RPS6KC1: variants seen among roughly 807,000 people sequenced by gnomAD.
RPS6KC1 encodes ribosomal protein S6 kinase C1, also known as inactive ribosomal protein S6 kinase delta-1.
In RPS6KC1, 54 loss-of-function variants were observed where a neutral mutation model predicts 103.8. The ratio of observed to expected loss-of-function variants is 0.52; its 90% CI spans 0.42 to 0.65. The LOEUF (loss-of-function observed/expected upper bound fraction) is 0.65. RPS6KC1 is among the 30% of genes least tolerant of loss of function. RPS6KC1 has a pLI of 0.00. For missense variants in RPS6KC1, 1,151 were observed against 1,253.8 expected, an observed-to-expected ratio of 0.92 and a Z score of 1.24; for synonymous variants, 439 against 438.7, an observed-to-expected ratio of 1.00 and a Z score of -0.01.
chr1:213,353,715 T>C, the RPS6KC1 span, among the ~76,000 whole-genome samples: 1 of 152,230 alleles, frequency 6.6e-6, no homozygotes, highest in Non-Finnish European at 1.5e-5. Flanking sequence ...GCTCTTATTA[T>C]GAGTCAGGCG....
chr1:213,844,311 T>C, the RPS6KC1 span, among the ~76,000 whole-genome samples: 1 of 152,236 alleles, frequency 6.6e-6, no homozygotes. Context: ...TTAAAATTCA[T>C]ACAATTATGG....
At chr1:213,573,234 C>T in the RPS6KC1 span, among the ~76,000 whole-genome samples, 199 of 152,284 alleles carry the variant, frequency 1.3e-3, no homozygotes, top group African/African-American at 4.6e-3. Flanking sequence ...CTCCTGGAAA[C>T]GCCCCACATT....
chr1:213,090,761 A>G (rs1427694682), intron 3 of RPS6KC1, among the ~76,000 whole-genome samples: 4 of 152,214 alleles, frequency 2.6e-5, no homozygotes, highest in African/African-American at 7.2e-5. Flanking sequence ...TGTAGGTTTT[A>G]GCTATTAATA....
the RPS6KC1 span, among the ~76,000 whole-genome samples, chr1:213,423,817 G>A: frequency 2.6e-5 from 4 of 152,172 alleles, no homozygotes; most frequent in Non-Finnish European, 4.4e-5. Flanking sequence ...GGGAGGAGGG[G>A]GCATGGGCTC....
the RPS6KC1 span, among the ~76,000 whole-genome samples, chr1:213,614,342 CAG>C: frequency 6.6e-6 from 1 of 152,230 alleles, no homozygotes; most frequent in Non-Finnish European, 1.5e-5. Flanking sequence ...ACGGTTTCTA[CAG>C]AGAGTGAATC....
chr1:213,452,335 GA>G, the RPS6KC1 span, among the ~76,000 whole-genome samples: 1,344 of 135,034 alleles, frequency 1.0e-2, 4 homozygotes, highest in Non-Finnish European at 0.012. Flanking sequence ...TCATAACTAG[GA>G]AAAAAAAAAA....
At chr1:213,655,596 A>G in the RPS6KC1 span, among the ~76,000 whole-genome samples, 1 of 152,230 alleles carries the variant, frequency 6.6e-6, no homozygotes, top group Non-Finnish European at 1.5e-5. Flanking sequence ...CTACTGGCAG[A>G]GAGAAATTCA....
At chr1:213,052,436 T>C (rs1429231011) in intron 1 of RPS6KC1, among the ~76,000 whole-genome samples, 1 of 152,010 alleles carries the variant, frequency 6.6e-6, no homozygotes, top group Non-Finnish European at 1.5e-5. Flanking sequence ...CTCCAAGTTA[T>C]ATAAAATGTT....
chr1:213,442,616 A>G, the RPS6KC1 span, among the ~76,000 whole-genome samples: 1 of 152,238 alleles, frequency 6.6e-6, no homozygotes, highest in African/African-American at 2.4e-5. Flanking sequence ...AACTACTACA[A>G]TGTACATATG....
At chr1:213,189,257 T>A (rs2092659056) in intron 8 of RPS6KC1, among the ~76,000 whole-genome samples, 3 of 152,080 alleles carry the variant, frequency 2.0e-5, no homozygotes, top group Admixed American at 2.0e-4. Flanking sequence ...GAGACCAGCC[T>A]GGCCAACATG....
the RPS6KC1 span, among the ~76,000 whole-genome samples, chr1:213,795,612 G>A: frequency 6.6e-6 from 1 of 152,090 alleles, no homozygotes; most frequent in Admixed American, 6.5e-5. Context: ...CACTCCAAAA[G>A]TGATTTAGTT....
At chr1:213,836,011 T>C in the RPS6KC1 span, 4 of 152,016 alleles carry the variant, frequency 2.6e-5, no homozygotes, top group Admixed American at 2.0e-4. Flanking sequence ...TAAAAATAAT[T>C]TGGGGAGAAT....
the RPS6KC1 span, among the ~76,000 whole-genome samples, chr1:213,737,246 A>G: frequency 1.3e-5 from 2 of 152,348 alleles, no homozygotes; most frequent in South Asian, 4.1e-4. Context: ...TTTCTTGGCC[A>G]TCTGTCTCAT....
intron 3 of RPS6KC1, among the ~76,000 whole-genome samples, chr1:213,100,617 G>C (rs538427117): frequency 6.6e-6 from 1 of 152,198 alleles, no homozygotes; most frequent in Admixed American, 6.5e-5. Flanking sequence ...CTCAATGTCT[G>C]TTGTGCCCAT....
intron 8 of RPS6KC1, among the ~76,000 whole-genome samples, chr1:213,216,337 T>C (rs1431972375): frequency 6.6e-6 from 1 of 152,224 alleles, no homozygotes; most frequent in African/African-American, 2.4e-5. Flanking sequence ...TAAATATATA[T>C]GCACCCAATA....
chr1:213,778,747 C>A, the RPS6KC1 span, among the ~76,000 whole-genome samples: 500 of 152,162 alleles, frequency 3.3e-3, 3 homozygotes, highest in African/African-American at 0.012. Flanking sequence ...CAAGGACAAG[C>A]AGAACCTGTA....
intron 6 of RPS6KC1, among the ~76,000 whole-genome samples, chr1:213,152,045 G>A (rs1166894094): frequency 1.4e-5 from 2 of 140,246 alleles, no homozygotes; most frequent in African/African-American, 2.8e-5. Context: ...GCAGCTGGCC[G>A]GGCGGGGGGC....
the RPS6KC1 span, among the ~76,000 whole-genome samples, chr1:213,539,840 T>A: frequency 6.9e-6 from 1 of 144,158 alleles, no homozygotes; most frequent in Non-Finnish European, 1.5e-5. Flanking sequence ...GCAAGTATCA[T>A]AATAAAGCAG....
the RPS6KC1 span, among the ~76,000 whole-genome samples, chr1:213,298,760 A>G: frequency 2.2e-4 from 33 of 152,088 alleles, no homozygotes; most frequent in Admixed American, 7.2e-4. Flanking sequence ...TTCTTGTTTT[A>G]TAATGTAATT....
Sources: gnomAD v4.1 joint callset for allele counts (sites outside exome capture counted in the v4.1 genomes callset) on GRCh38, gnomAD v4.1.1 for gene constraint, MANE v1.5 for transcripts, NCBI Gene and HGNC (gene_info 2026-07-23, HGNC 2026-07-21) for gene names.